The following ATG7 variants were observed in gnomAD, a reference collection of about 807,000 sequenced individuals.
ATG7 encodes autophagy related 7, also known as ubiquitin-like modifier-activating enzyme ATG7.
Under a neutral mutation model 82.4 loss-of-function variants are expected in ATG7, and 70 were observed. The ratio of observed to expected loss-of-function variants is 0.85; its 90% CI spans 0.70 to 1.04. The LOEUF (loss-of-function observed/expected upper bound fraction) is 1.04. ATG7 is among the 50% of genes least tolerant of loss of function. ATG7 has a pLI of 0.00. For synonymous variants in ATG7, 287 were observed against 313.0 expected (o/e 0.92, Z 0.88); for missense variants, 792 against 864.3 (o/e 0.92, Z 1.05).
At chr3:11,429,925 G>A (rs62245893) in intron 20 of ATG7, among the ~76,000 whole-genome samples, 30 of 136,560 alleles carry the variant, frequency 2.2e-4, no homozygotes, top group Admixed American at 4.1e-4. Context: ...CAGCCTGGGC[G>A]ACAGAGCGAG....
At chr3:11,498,014 T>C (rs971392894) in intron 20 of ATG7, among the ~76,000 whole-genome samples, 4 of 152,192 alleles carry the variant, frequency 2.6e-5, no homozygotes, top group Non-Finnish European at 5.9e-5. Context: ...TCACAAGTCA[T>C]TGAGTCCTCA....
At chr3:11,274,410 GAGA>G (rs1289533256) in intron 1 of ATG7, among the ~76,000 whole-genome samples, 1 of 152,174 alleles carries the variant, frequency 6.6e-6, no homozygotes, top group Non-Finnish European at 1.5e-5. Context: ...TGACTCATCA[GAGA>G]AGGTTTCAGT....
intron 20 of ATG7, among the ~76,000 whole-genome samples, chr3:11,501,502 G>A (rs1171819104): frequency 6.6e-6 from 1 of 152,088 alleles, no homozygotes; most frequent in African/African-American, 2.4e-5. Flanking sequence ...AACAGTTGAG[G>A]AAATTTAAGT....
At chr3:11,274,027 C>T (rs1941128555) in intron 1 of ATG7, among the ~76,000 whole-genome samples, 2 of 152,174 alleles carry the variant, frequency 1.3e-5, no homozygotes, top group Admixed American at 6.5e-5. Flanking sequence ...TGTGTGTCAC[C>T]TATAGCCCTT....
chr3:11,298,815 G>C lies in ATG7; in HGVS notation c.120G>C (p.Leu40=). 1 of 1,614,162 alleles carries C rather than the reference G, an allele frequency of 6.2e-7. No individual in the cohort carries two copies. The highest frequency in any genetic ancestry group is 8.5e-7 in the Non-Finnish European group (1 of 1,180,022). The change falls in exon 4 of 21, where the codon CTG becomes CTC. Residue 40 remains leucine (L), a synonymous_variant. Transcript: ENST00000693202. ...LTQKKLNEYR[L]DEAPKDIKGY... The stretch of plus-strand genomic sequence containing the variant: ...AGAAGAAGCTGAACGAGTATCGGCT[G>C]GATGAAGCTCCCAAGGACATTAAGG...
chr3:11,403,653 G>T (rs567782950), intron 19 of ATG7, among the ~76,000 whole-genome samples: 1 of 152,256 alleles, frequency 6.6e-6, no homozygotes, highest in South Asian at 2.1e-4. Flanking sequence ...AAGCAGTCTG[G>T]TTCCTTTTTC....
At chr3:11,318,013 A>G (rs1351550505) in intron 9 of ATG7, among the ~76,000 whole-genome samples, 1 of 152,224 alleles carries the variant, frequency 6.6e-6, no homozygotes, top group Non-Finnish European at 1.5e-5. Context: ...TGAGGATTAA[A>G]CATGATAATG....
chr3:11,520,465 C>G (rs1211702162), intron 20 of ATG7, among the ~76,000 whole-genome samples: 1 of 152,198 alleles, frequency 6.6e-6, no homozygotes, highest in African/African-American at 2.4e-5. Context: ...TGTGTGCTAA[C>G]CAGTAGCTAT....
the ATG7 span, chr3:11,568,706 C>T: frequency 1.9e-6 from 3 of 1,549,088 alleles, no homozygotes; most frequent in Admixed American, 2.0e-5. This position sits in a 1 kb window ranked among gnomAD's most constrained non-coding sequence, Gnocchi z 5.9. Context: ...GCTTCCCAGG[C>T]GTCATGTGCT....
chr3:11,484,509 T>C (rs907884319), intron 20 of ATG7, among the ~76,000 whole-genome samples: 3 of 152,242 alleles, frequency 2.0e-5, no homozygotes, highest in African/African-American at 7.2e-5. Context: ...AATTGGCACA[T>C]CTAGCAGATT....
At chr3:11,459,748 A>C (rs2086123864) in intron 20 of ATG7, among the ~76,000 whole-genome samples, 1 of 152,220 alleles carries the variant, frequency 6.6e-6, no homozygotes, top group Non-Finnish European at 1.5e-5. Context: ...GTTCATAATG[A>C]AACCATTGAA....
At chr3:11,275,304 T>A (rs1311911218) in intron 1 of ATG7, among the ~76,000 whole-genome samples, 1 of 152,088 alleles carries the variant, frequency 6.6e-6, no homozygotes, top group Non-Finnish European at 1.5e-5. Flanking sequence ...CGTCCACTTC[T>A]ACCCATGGAA....
At chr3:11,377,797 C>T (rs1006655575) in intron 18 of ATG7, among the ~76,000 whole-genome samples, 1 of 152,098 alleles carries the variant, frequency 6.6e-6, no homozygotes, top group Non-Finnish European at 1.5e-5. Flanking sequence ...CCTGTAACTT[C>T]CAGAGCTCGT....
At chr3:11,496,632 CT>C (rs1167340651) in intron 20 of ATG7, among the ~76,000 whole-genome samples, 1 of 152,154 alleles carries the variant, frequency 6.6e-6, no homozygotes, top group Non-Finnish European at 1.5e-5. Flanking sequence ...TTCATGAAAC[CT>C]TGACATTTAA....
intron 20 of ATG7, among the ~76,000 whole-genome samples, chr3:11,427,279 A>G (rs920755566): frequency 6.6e-6 from 1 of 152,160 alleles, no homozygotes; most frequent in African/African-American, 2.4e-5. Flanking sequence ...TGGTAAAGAC[A>G]TTGGACTCCA....
the ATG7 span, among the ~76,000 whole-genome samples, chr3:11,566,369 A>G: frequency 6.6e-6 from 1 of 152,216 alleles, no homozygotes; most frequent in East Asian, 1.9e-4. Flanking sequence ...CTACAGTACA[A>G]TATCACAACC....
intron 9 of ATG7, among the ~76,000 whole-genome samples, chr3:11,329,390 G>T (rs867939297): frequency 2.0e-5 from 3 of 152,222 alleles, no homozygotes; most frequent in Admixed American, 1.3e-4. Context: ...AAATTTATCA[G>T]CCGTGTTTTC....
intron 20 of ATG7, among the ~76,000 whole-genome samples, chr3:11,549,726 T>G (rs9985349): frequency 0.17 from 25,447 of 152,228 alleles, 2,432 homozygotes; most frequent in Non-Finnish European, 0.22. Flanking sequence ...TCTGTGGACA[T>G]GTGTTTTCGT....
At chr3:11,419,187 C>T (rs891330941) in intron 19 of ATG7, among the ~76,000 whole-genome samples, 19 of 152,176 alleles carry the variant, frequency 1.2e-4, no homozygotes, top group Admixed American at 8.5e-4. Flanking sequence ...CATGTTTCCT[C>T]CCCTCTTTGA....
Sources: allele counts gnomAD v4.1 joint callset (sites outside exome capture counted in the v4.1 genomes callset), GRCh38; gene constraint gnomAD v4.1.1; non-coding constraint Gnocchi (gnomAD v3.1); transcripts MANE v1.5; gene names NCBI Gene and HGNC (gene_info 2026-07-23, HGNC 2026-07-21).